Variants in AUTS2 observed in about 807,000 individuals in gnomAD.
AUTS2 encodes activator of transcription and developmental regulator AUTS2.
In AUTS2, 17 loss-of-function variants were observed where a neutral mutation model predicts 112.4. That is an observed-to-expected ratio of 0.15 (90% confidence interval 0.10 to 0.23). AUTS2 has a LOEUF of 0.23. Ranked by LOEUF, AUTS2 falls within the 10% of genes least tolerant of loss-of-function variation. The pLI is 1.00. For synonymous variants in AUTS2, 751 were observed against 702.7 expected (o/e 1.07, Z -1.09); for missense variants, 1,510 against 1,701.6 (o/e 0.89, Z 1.98).
At chr7:69,784,990 T>C (rs1789302113) in intron 1 of AUTS2, among the ~76,000 whole-genome samples, 1 of 152,002 alleles carries the variant, frequency 6.6e-6, no homozygotes, top group Non-Finnish European at 1.5e-5. Flanking sequence ...TGAGGACATA[T>C]TTATAATGGT....
At chr7:69,713,840 T>C (rs1798451073) in intron 1 of AUTS2, among the ~76,000 whole-genome samples, 1 of 152,120 alleles carries the variant, frequency 6.6e-6, no homozygotes, top group African/African-American at 2.4e-5. Flanking sequence ...CAGCCTGTGG[T>C]TTGTATTTTC....
At chr7:70,364,123 TATC>T (rs1792421111) in intron 4 of AUTS2, among the ~76,000 whole-genome samples, 2 of 152,310 alleles carry the variant, frequency 1.3e-5, no homozygotes, top group South Asian at 4.1e-4. Flanking sequence ...TGCCTTCAAA[TATC>T]ATGTTGACAA....
intron 5 of AUTS2, among the ~76,000 whole-genome samples, chr7:70,576,274 G>A (rs536069442): frequency 5.3e-5 from 8 of 152,166 alleles, no homozygotes; most frequent in Admixed American, 2.0e-4. Context: ...CCTCCTCTGC[G>A]CTCCCTAAGA....
intron 4 of AUTS2, among the ~76,000 whole-genome samples, chr7:70,409,301 T>C (rs1794675406): frequency 6.6e-6 from 1 of 152,240 alleles, no homozygotes; most frequent in Non-Finnish European, 1.5e-5. Context: ...GTGTGCTGTG[T>C]ACTTGTCTAG....
chr7:69,820,095 G>T (rs1414654200), intron 1 of AUTS2, among the ~76,000 whole-genome samples: 2 of 152,094 alleles, frequency 1.3e-5, no homozygotes, highest in Non-Finnish European at 2.9e-5. Flanking sequence ...CAATCAGATG[G>T]TACTGCCTGG....
rs554341379 is a variant in AUTS2, at chr7:70,389,227, G to T, written c.661-46525G>T. On this transcript the variant is annotated intron_variant, in intron 4 of 18. Coordinates refer to ENST00000342771, the MANE Select transcript of AUTS2 (RefSeq NM_015570.4). ...CAGGTCCTAGATTTTTTATGAGATG[G>T]CCACTCCACCTTATCCTACCTACTC... is the stretch of plus-strand genomic sequence containing the variant. Among the ~76,000 whole-genome samples the T allele has an allele frequency of 3.4e-4, 52 of 152,120 alleles. No individual in the cohort carries two copies. In the South Asian group the frequency reaches 0.011, roughly 31 times the overall value.
chr7:69,827,761 A>G (rs1015565427), intron 1 of AUTS2, among the ~76,000 whole-genome samples: 2 of 152,180 alleles, frequency 1.3e-5, no homozygotes, highest in Non-Finnish European at 2.9e-5. Context: ...TTCCTTATTT[A>G]CTGTACTTGA....
rs1366624824 is a variant in AUTS2 at position 70,789,997 on chromosome 7, C to T, written c.2781C>T (p.Arg927=). ...PEKDGHGHEG[R]AAGEEAKQLA... is the part of the protein sequence containing the mutation. Reference sequence around the variant, plus strand: ...AGGACGGGCACGGCCACGAGGGGCGCGCCGCGGGCGAAGAGGCCAAGCAGC... The same window carrying T: ...AGGACGGGCACGGCCACGAGGGGCGTGCCGCGGGCGAAGAGGCCAAGCAGC... The change falls in exon 19 of 19, where the codon CGC becomes CGT. Residue 927 remains arginine (R), a synonymous_variant. Coordinates refer to ENST00000342771, the MANE Select transcript of AUTS2 (RefSeq NM_015570.4). The T allele has an allele frequency of 6.2e-7, 1 of 1,601,624 alleles. No homozygotes were observed. The highest frequency in any genetic ancestry group is 8.5e-7 in the Non-Finnish European group (1 of 1,174,434).
chr7:69,915,403 C>G (rs1795536625), intron 2 of AUTS2, among the ~76,000 whole-genome samples: 3 of 152,200 alleles, frequency 2.0e-5, no homozygotes, highest in Admixed American at 2.0e-4. Flanking sequence ...ACATTTTTCA[C>G]TCAGGTGCAA....
chr7:69,651,242 C>T (rs1795275232), intron 1 of AUTS2, among the ~76,000 whole-genome samples: 2 of 152,128 alleles, frequency 1.3e-5, no homozygotes, highest in South Asian at 4.1e-4. Flanking sequence ...GCTGTTGACA[C>T]CTTTGATAGC....
At chr7:69,739,569 A>C (rs1787177960) in intron 1 of AUTS2, among the ~76,000 whole-genome samples, 1 of 152,162 alleles carries the variant, frequency 6.6e-6, no homozygotes, top group African/African-American at 2.4e-5. Flanking sequence ...AACAACAACC[A>C]AAAATACCTC....
chr7:70,645,127 C>T (rs531404219), intron 5 of AUTS2, among the ~76,000 whole-genome samples: 8 of 152,170 alleles, frequency 5.3e-5, no homozygotes, highest in Non-Finnish European at 8.8e-5. Context: ...GGCTCACAAG[C>T]GTTCTTCACC....
chr7:70,447,313 T>G (rs1796357144), intron 5 of AUTS2, among the ~76,000 whole-genome samples: 1 of 152,186 alleles, frequency 6.6e-6, no homozygotes, highest in African/African-American at 2.4e-5. Flanking sequence ...AAACTGAGGT[T>G]CAAAGGTTCT....
At chr7:70,408,288 T>C (rs1794629221) in intron 4 of AUTS2, among the ~76,000 whole-genome samples, 1 of 152,002 alleles carries the variant, frequency 6.6e-6, no homozygotes, top group Admixed American at 6.5e-5. Flanking sequence ...ATGGTAGTGA[T>C]CGTAGGGTCA....
At chr7:70,630,616 C>T (rs1375778413) in intron 5 of AUTS2, among the ~76,000 whole-genome samples, 1 of 152,176 alleles carries the variant, frequency 6.6e-6, no homozygotes, top group Non-Finnish European at 1.5e-5. Flanking sequence ...TGGAGAGGCC[C>T]ATGCAGTGAG....
chr7:69,846,015 G>T (rs1267723237), intron 1 of AUTS2, among the ~76,000 whole-genome samples: 1 of 152,092 alleles, frequency 6.6e-6, no homozygotes, highest in Non-Finnish European at 1.5e-5. Flanking sequence ...GTTGCTTTAT[G>T]ACAGGATGAG....
At chr7:69,646,809 G>C (rs1248654376) in intron 1 of AUTS2, among the ~76,000 whole-genome samples, 1 of 152,170 alleles carries the variant, frequency 6.6e-6, no homozygotes. Flanking sequence ...GACCTTGACC[G>C]GGTGCGGTGG....
At chr7:70,752,525 A>G (rs536723711) in intron 6 of AUTS2, among the ~76,000 whole-genome samples, 7 of 152,348 alleles carry the variant, frequency 4.6e-5, no homozygotes, top group Admixed American at 4.6e-4. Context: ...AAGTCTGATT[A>G]TCTAAGCTTA....
chr7:70,723,877 A>C (rs371644576), intron 6 of AUTS2, among the ~76,000 whole-genome samples: 11 of 151,966 alleles, frequency 7.2e-5, no homozygotes, highest in African/African-American at 2.7e-4. Context: ...GCAAGTATAC[A>C]TGTAGACTTT....
Sources: gnomAD v4.1 joint callset for allele counts (sites outside exome capture counted in the v4.1 genomes callset) on GRCh38, gnomAD v4.1.1 for gene constraint, MANE v1.5 for transcripts, NCBI Gene and HGNC (gene_info 2026-07-23, HGNC 2026-07-21) for gene names.